Variants in TUBGCP2 observed in about 807,000 individuals in gnomAD.
The protein encoded by TUBGCP2 is gamma-tubulin complex component 2.
TUBGCP2 carries 55 observed loss-of-function variants against 92.2 expected under a neutral mutation model. The observed-to-expected ratio is 0.60, with a 90% CI of 0.48 to 0.75. TUBGCP2 has a LOEUF of 0.75. Among genes scored for constraint, TUBGCP2 ranks in the 30% least tolerant of loss-of-function variants. The probability of loss-of-function intolerance (pLI) is 0.00; values close to 1 mark genes in which losing one functional copy is unlikely to be tolerated. For missense variants in TUBGCP2, 1,093 were observed against 1,188.9 expected, an observed-to-expected ratio of 0.92 and a Z score of 1.19; for synonymous variants, 533 against 505.2, an observed-to-expected ratio of 1.06 and a Z score of -0.74.
In TUBGCP2 at chr10:133,291,234, G is replaced by GCACCCTC. The variant is rs1271259417; in HGVS notation, c.1214+1264_1214+1265insGAGGGTG. 8.7e-4 allele frequency among the ~76,000 whole-genome samples: 111 copies of GCACCCTC among 127,844 alleles called. 2 individuals carry two copies. The highest frequency in any genetic ancestry group is 1.1e-4 in the Non-Finnish European group (7 of 65,506). The allele number at this position is 127,844 out of a possible 152,430, so 83.9% of individuals were successfully genotyped here. A position where few individuals can be genotyped will look rare whatever the true frequency, so the allele number is the denominator to read the frequency against. The stretch of plus-strand genomic sequence containing the variant: ...CCAGAGCCCCCAGAGAGGGCAGCAC[G>GCACCCTC]CGCCCTCCGTGTCCCCCATGTCCCT... On this transcript the variant is annotated intron_variant, in intron 8 of 17. Coordinates refer to ENST00000252936, the MANE Select transcript of TUBGCP2 (RefSeq NM_006659.4).
chr10:133,310,662 C>T (rs1160635480), upstream of TUBGCP2: 2 of 265,244 alleles, frequency 7.5e-6, no homozygotes, highest in Non-Finnish European at 1.5e-5. Context: ...GTACCTCCTG[C>T]AGCCGTCGGC....
upstream of TUBGCP2, chr10:133,311,789 C>T: frequency 6.2e-7 from 1 of 1,613,516 alleles, no homozygotes; most frequent in Non-Finnish European, 8.5e-7. Flanking sequence ...CTGCTCTGAG[C>T]CTGTGGCAGC....
chr10:133,312,104 T>C (rs1848004068), upstream of TUBGCP2: 1 of 1,446,886 alleles, frequency 6.9e-7, no homozygotes, highest in Non-Finnish European at 9.0e-7. Context: ...CTGAGTGGGA[T>C]GGAAAGAGTC....
chr10:133,283,348 G>C, intron 14 of TUBGCP2, 127 bp from the exon 15 acceptor site: 1 of 1,319,600 alleles, frequency 7.6e-7, no homozygotes, highest in Admixed American at 2.4e-5. Context: ...AATGGGCCTT[G>C]GGCTTTTAGG....
intron 16 of TUBGCP2, among the ~76,000 whole-genome samples, chr10:133,281,690 G>A (rs1846981862): frequency 6.6e-6 from 1 of 152,264 alleles, no homozygotes; most frequent in Non-Finnish European, 1.5e-5. Flanking sequence ...AGATGAACGA[G>A]CTTTCCCAGC....
Position 133,292,685 on chromosome 10 carries a change from G to A in TUBGCP2, c.1028C>T (p.Thr343Ile), listed in dbSNP as rs1416422221. ...RTMDILASLA[T>I]SVDKGECLGG... ...AAGACATTCGCCTTTGTCCACCGAG[G>A]TGGCTGTGGGGAGAAAGGAGGGCTC... Residue 343 changes from threonine (T) to isoleucine (I), a missense_variant, in exon 8 of 18, where the codon ACC (threonine) becomes ATC (isoleucine). By Grantham distance (89) the Thr-to-Ile change is moderately conservative. Coordinates refer to ENST00000252936, the MANE Select transcript of TUBGCP2 (RefSeq NM_006659.4). 1 of 1,612,646 alleles carries A rather than the reference G, an allele frequency of 6.2e-7. No homozygotes were observed. Among genetic ancestry groups the A allele is most frequent in the Non-Finnish European group, 8.5e-7 (1 of 1,179,312 alleles).
rs1297683194 is a variant in TUBGCP2, at chr10:133,288,886, G to A, written c.1495C>T (p.Leu499=). The part of the protein sequence containing the change: ...EKAFNYASKV[L]LDFLMEEKEL... ...TTCTCCTCCATCAGGAAGTCCAGCA[G>A]CACCTTGCTGGCGTAGTTAAACGCC... The change falls in exon 10 of 18, where the codon CTG becomes TTG. Residue 499 remains leucine (L), a synonymous_variant. Coordinates refer to ENST00000252936, the MANE Select transcript of TUBGCP2 (RefSeq NM_006659.4). 6.2e-7 allele frequency: 1 copy of A among 1,613,954 alleles called. No homozygotes were observed. The highest frequency in any genetic ancestry group is 8.5e-7 in the Non-Finnish European group (1 of 1,179,910).
At position 133,285,725 on chromosome 10, in the gene TUBGCP2, C is replaced by T. The variant is rs938451775; in HGVS notation, c.1723-97G>A. On this transcript the variant is annotated intron_variant, in intron 11 of 17. Coordinates refer to ENST00000252936, the MANE Select transcript of TUBGCP2 (RefSeq NM_006659.4). This position sits in a 1 kb window ranked among gnomAD's most constrained non-coding sequence, Gnocchi z 6.8. Reference sequence around the variant, plus strand: ...TCCTCGCTCACAGACCCAGCGCTGACGTAAGGTTCCCTACATTCCGATTCT... The same window carrying T: ...TCCTCGCTCACAGACCCAGCGCTGATGTAAGGTTCCCTACATTCCGATTCT... 39 of 1,220,824 alleles carry T rather than the reference C, an allele frequency of 3.2e-5. No homozygotes were observed. Among genetic ancestry groups the T allele is most frequent in the Non-Finnish European group, 3.8e-5 (35 of 920,816 alleles). 75.6% of individuals were successfully genotyped at this position (1,220,824 alleles called of 1,614,324 possible). A position where few individuals can be genotyped will look rare whatever the true frequency, so the allele number is the denominator to read the frequency against.
In TUBGCP2 at chr10:133,289,986, C is replaced by T. The variant is rs752955255; in HGVS notation, c.1215-17G>A. The T allele has an allele frequency of 8.1e-5, 130 of 1,608,206 alleles. No individual in the cohort carries two copies. Among genetic ancestry groups the T allele is most frequent in the Admixed American group, 1.2e-4 (7 of 59,948 alleles). ...ATAAACTCACTAAAACCACAGGGAGCGCTTCGGTCACAGGCAAAGCAAGGG... is the reference window on the plus strand; with the variant it reads ...ATAAACTCACTAAAACCACAGGGAGTGCTTCGGTCACAGGCAAAGCAAGGG... On this transcript the variant is annotated splice_polypyrimidine_tract_variant and intron_variant, in intron 8 of 17. Transcript: ENST00000252936.
intron 1 of TUBGCP2, among the ~76,000 whole-genome samples, chr10:133,305,198 G>A (rs919915714): frequency 1.3e-5 from 2 of 152,126 alleles, no homozygotes; most frequent in African/African-American, 2.4e-5. Context: ...ACCTGGCTCC[G>A]CCCTCTAGAT....
At chr10:133,287,498 T>C (rs1378761888) in intron 11 of TUBGCP2, among the ~76,000 whole-genome samples, 14 of 152,102 alleles carry the variant, frequency 9.2e-5, no homozygotes, top group Admixed American at 8.5e-4. Context: ...TCCCAGCACT[T>C]TGGGAGGCCA....
chr10:133,312,166 CCTGTGCCGTCTGCGTTTCTAGCGTCA>C, upstream of TUBGCP2: 1 of 1,420,328 alleles, frequency 7.0e-7, no homozygotes, highest in East Asian at 2.8e-5. Context: ...AATAGCATCA[CCTGTGCCGTCTGCGTTTCTAGCGTCA>C]CCTGTGCCGT....
chr10:133,280,700 A>G (rs1469536604), intron 17 of TUBGCP2, among the ~76,000 whole-genome samples: 1 of 152,186 alleles, frequency 6.6e-6, no homozygotes, highest in Admixed American at 6.5e-5. Context: ...CCACCTTCTG[A>G]AGGAGGCTAC....
chr10:133,310,801 A>T (rs1847974351), upstream of TUBGCP2, among the ~76,000 whole-genome samples: 1 of 151,532 alleles, frequency 6.6e-6, no homozygotes, highest in Non-Finnish European at 1.5e-5. Context: ...ACTTCCAGGA[A>T]CAATCTTTTT....
chr10:133,294,959 T>G (rs1847455420), intron 5 of TUBGCP2, among the ~76,000 whole-genome samples: 1 of 152,218 alleles, frequency 6.6e-6, no homozygotes, highest in South Asian at 2.1e-4. Flanking sequence ...CTTGGCGTTT[T>G]GGGAACAGCG....
At position 133,283,111 on chromosome 10, in the gene TUBGCP2, CAT is replaced by C. The variant is rs1847031663; in HGVS notation, c.2254_2255del (p.Met752ValfsTer55). 6.2e-7 allele frequency: 1 copy of C among 1,614,240 alleles called. No homozygotes were observed. Among genetic ancestry groups the C allele is most frequent in the Non-Finnish European group, 8.5e-7 (1 of 1,180,046 alleles). On this transcript the variant is annotated frameshift_variant, in exon 15 of 18. Coordinates refer to ENST00000252936, the MANE Select transcript of TUBGCP2 (RefSeq NM_006659.4). LOFTEE classifies it high-confidence loss of function. Reference sequence around the variant, plus strand: ...AGTTGGTGAACATGACGCACACAGACATGAGCTTGGAGAAGACCTTCAGCAGC... The same window carrying C: ...AGTTGGTGAACATGACGCACACAGACGAGCTTGGAGAAGACCTTCAGCAGC... Reference protein sequence around the residue: ...PELLKVFSKLMSVCVMFTNCM... With the variant: ...PELLKVFSKLXSVCVMFTNCM...
intron 4 of TUBGCP2, among the ~76,000 whole-genome samples, chr10:133,298,744 G>A (rs1338121963): frequency 6.6e-6 from 1 of 152,248 alleles, no homozygotes. Context: ...GTAAGACCCA[G>A]TCTTCTGCCA....
rs760478639 is a variant in TUBGCP2 at position 133,291,966 on chromosome 10, G to A, written c.1214+533C>T. 1.1e-3 allele frequency among the ~76,000 whole-genome samples: 20 copies of A among 18,914 alleles called. 2 individuals carry two copies. The highest frequency in any genetic ancestry group is 3.5e-3 in the South Asian group (1 of 286). The allele number at this position is 18,914 out of a possible 152,430, so 12.4% of individuals were successfully genotyped here. A position where few individuals can be genotyped will look rare whatever the true frequency, so the allele number is the denominator to read the frequency against. On this transcript the variant is annotated intron_variant, in intron 8 of 17. Coordinates refer to ENST00000252936, the MANE Select transcript of TUBGCP2 (RefSeq NM_006659.4). ...GTGTCCCTCCGTGTCCCCGTGTCCC[G>A]GGGAGCCCTACCTGTACGGGAGAGG...
chr10:133,282,103 C>T, intron 16 of TUBGCP2, 120 bp downstream of exon 16: 1 of 1,479,828 alleles, frequency 6.8e-7, no homozygotes, highest in Non-Finnish European at 9.1e-7. Context: ...GTCTTTTCTT[C>T]AATCTGAGGG....
Sources: gnomAD v4.1 joint callset for allele counts (sites outside exome capture counted in the v4.1 genomes callset) on GRCh38, gnomAD v4.1.1 for gene constraint, Gnocchi (gnomAD v3.1) non-coding constraint, MANE v1.5 for transcripts, NCBI Gene and HGNC (gene_info 2026-07-23, HGNC 2026-07-21) for gene names.